Variants in AGMO observed in about 807,000 individuals in gnomAD.
The protein encoded by AGMO is alkylglycerol monooxygenase, also known as glyceryl-ether monooxygenase.
AGMO carries 75 observed loss-of-function variants against 60.2 expected under a neutral mutation model. The ratio of observed to expected loss-of-function variants is 1.25; its 90% CI spans 1.03 to 1.51. The LOEUF (loss-of-function observed/expected upper bound fraction) is 1.51, where lower values mean the gene tolerates loss of function less well. AGMO is among the 40% of genes most tolerant of loss of function. The probability of loss-of-function intolerance (pLI) is 0.00; values close to 1 mark genes in which losing one functional copy is unlikely to be tolerated. For synonymous variants in AGMO, 261 were observed against 177.1 expected (o/e 1.47, Z -3.76); for missense variants, 763 against 525.5 (o/e 1.45, Z -4.42).
the AGMO span, among the ~76,000 whole-genome samples, chr7:15,137,906 AC>A: frequency 0.12 from 17,706 of 152,092 alleles, 2,211 homozygotes; most frequent in African/African-American, 0.31. Flanking sequence ...TTTAACTGAA[AC>A]AAGTGCTCTC....
intron 12 of AGMO, among the ~76,000 whole-genome samples, chr7:15,287,053 T>C (rs575544226): frequency 2.6e-5 from 4 of 152,138 alleles, no homozygotes; most frequent in African/African-American, 9.6e-5. Flanking sequence ...AGTGGTATAA[T>C]GGACTTTGGA....
chr7:15,529,667 C>CAGAA (rs1784242722), intron 3 of AGMO, among the ~76,000 whole-genome samples: 1 of 15,044 alleles, frequency 6.6e-5, no homozygotes, highest in Admixed American at 9.9e-4. Context: ...TATATATATT[C>CAGAA]TATATATATT....
intron 3 of AGMO, among the ~76,000 whole-genome samples, chr7:15,432,419 A>G: frequency 7.3e-6 from 1 of 136,318 alleles, no homozygotes; most frequent in East Asian, 2.1e-4. Flanking sequence ...TTTCAAAATG[A>G]AAGTTCTCTG....
chr7:15,542,657 AAG>A (rs1487125751), intron 3 of AGMO, among the ~76,000 whole-genome samples: 1 of 152,208 alleles, frequency 6.6e-6, no homozygotes, highest in Non-Finnish European at 1.5e-5. Context: ...GAAAATGAGG[AAG>A]ATTGCCGATG....
At chr7:15,368,946 T>C (rs961651788) in intron 10 of AGMO, among the ~76,000 whole-genome samples, 4 of 152,086 alleles carry the variant, frequency 2.6e-5, no homozygotes, top group African/African-American at 9.7e-5. Flanking sequence ...AACTGAAACT[T>C]GGCATGACTA....
At chr7:15,387,620 T>C in intron 8 of AGMO, 80 bp from the exon 9 acceptor site, 2 of 1,311,298 alleles carry the variant, frequency 1.5e-6, no homozygotes, top group Non-Finnish European at 2.1e-6. Flanking sequence ...TATATTATTT[T>C]ATTGTTCAAG....
intron 3 of AGMO, among the ~76,000 whole-genome samples, chr7:15,518,717 A>G (rs981788461): frequency 6.6e-6 from 1 of 152,128 alleles, no homozygotes; most frequent in East Asian, 1.9e-4. Flanking sequence ...AGATGAGGAA[A>G]AAACAGTGCA....
intron 3 of AGMO, among the ~76,000 whole-genome samples, chr7:15,515,552 A>T (rs1783785398): frequency 6.6e-6 from 1 of 152,246 alleles, no homozygotes; most frequent in African/African-American, 2.4e-5. Context: ...CATGGTAACC[A>T]TGTGGAACAT....
chr7:15,452,262 G>A (rs1004300031), intron 3 of AGMO, among the ~76,000 whole-genome samples: 2 of 151,860 alleles, frequency 1.3e-5, no homozygotes, highest in African/African-American at 2.4e-5. Context: ...TAAAATTTTT[G>A]TATATTAAAT....
the AGMO span, among the ~76,000 whole-genome samples, chr7:15,150,136 G>T: frequency 3.3e-5 from 5 of 151,990 alleles, no homozygotes; most frequent in Middle Eastern, 3.2e-3. Context: ...AAATGCTACT[G>T]ATTTTTCTAT....
chr7:15,180,038 T>C, the AGMO span, among the ~76,000 whole-genome samples: 1 of 152,218 alleles, frequency 6.6e-6, no homozygotes, highest in Middle Eastern at 3.4e-3. Flanking sequence ...AGCTCTGGGT[T>C]TGTGATGGGA....
chr7:15,348,200 A>G (rs953257479), intron 12 of AGMO, among the ~76,000 whole-genome samples: 1 of 152,060 alleles, frequency 6.6e-6, no homozygotes, highest in Non-Finnish European at 1.5e-5. Context: ...CCAAAGGTCC[A>G]TATCCTAATG....
At chr7:15,555,796 G>A (rs1316867541) in intron 2 of AGMO, among the ~76,000 whole-genome samples, 2 of 151,930 alleles carry the variant, frequency 1.3e-5, no homozygotes, top group African/African-American at 2.4e-5. Flanking sequence ...AGTTTCTGAA[G>A]TTACGCAATT....
At chr7:15,494,465 G>A (rs1783167345) in intron 3 of AGMO, among the ~76,000 whole-genome samples, 2 of 152,178 alleles carry the variant, frequency 1.3e-5, no homozygotes, top group South Asian at 4.1e-4. Context: ...TACATGAAAT[G>A]ATGTTGTGGT....
At chr7:15,446,478 C>G (rs1354719223) in intron 3 of AGMO, among the ~76,000 whole-genome samples, 1 of 152,108 alleles carries the variant, frequency 6.6e-6, no homozygotes, top group Non-Finnish European at 1.5e-5. Flanking sequence ...ACGCTGCACA[C>G]CATGTGAAGA....
chr7:15,388,817 T>C (rs1341638226), intron 8 of AGMO, among the ~76,000 whole-genome samples: 1 of 152,174 alleles, frequency 6.6e-6, no homozygotes, highest in Non-Finnish European at 1.5e-5. Flanking sequence ...GTATTCCTAA[T>C]TATCACAACT....
intron 3 of AGMO, among the ~76,000 whole-genome samples, chr7:15,520,339 C>T (rs940451269): frequency 2.0e-5 from 3 of 152,160 alleles, no homozygotes; most frequent in Non-Finnish European, 2.9e-5. Context: ...AGCTCTGCAT[C>T]AAGCAGACCT....
chr7:15,516,578 T>A (rs545926403), intron 3 of AGMO, among the ~76,000 whole-genome samples: 3 of 152,356 alleles, frequency 2.0e-5, no homozygotes, highest in Admixed American at 1.3e-4. Context: ...GTTTACTATT[T>A]ACAACTTCCT....
intron 12 of AGMO, among the ~76,000 whole-genome samples, chr7:15,240,219 T>C (rs987358631): frequency 6.6e-6 from 1 of 152,116 alleles, no homozygotes; most frequent in Non-Finnish European, 1.5e-5. Flanking sequence ...AAAATAAAAA[T>C]ACAGGACGAC....
Sources: gnomAD v4.1 joint callset for allele counts (sites outside exome capture counted in the v4.1 genomes callset) on GRCh38, gnomAD v4.1.1 for gene constraint, MANE v1.5 for transcripts, NCBI Gene and HGNC (gene_info 2026-07-23, HGNC 2026-07-21) for gene names.